Variants in GARIN2 observed in about 807,000 individuals in gnomAD.
GARIN2 encodes the protein golgi associated RAB2 interactor family member 2.
the GARIN2 span, chr14:67,204,507 C>T: frequency 6.3e-7 from 1 of 1,595,128 alleles, no homozygotes; most frequent in Non-Finnish European, 8.5e-7. Flanking sequence ...ATCAGGTCTC[C>T]AGATGATGTT....
chr14:67,204,246 G>A, the GARIN2 span, among the ~76,000 whole-genome samples: 3 of 152,108 alleles, frequency 2.0e-5, no homozygotes, highest in African/African-American at 7.2e-5. Flanking sequence ...AGACCAGCCT[G>A]AGCAACATGG....
the GARIN2 span, chr14:67,199,741 A>T: frequency 6.4e-7 from 1 of 1,568,020 alleles, no homozygotes; most frequent in East Asian, 2.2e-5. Flanking sequence ...TGGTATCATC[A>T]TTGGGGTCTG....
chr14:67,193,186 A>G, the GARIN2 span, among the ~76,000 whole-genome samples: 1 of 139,478 alleles, frequency 7.2e-6, no homozygotes, highest in African/African-American at 2.7e-5. Context: ...CTCTATATAG[A>G]CATCTATCTA....
At chr14:67,208,509 A>G in the GARIN2 span, 1 of 1,541,202 alleles carries the variant, frequency 6.5e-7, no homozygotes. Context: ...ATAAAGAAAT[A>G]TGTGCTTTAG....
chr14:67,215,636 G>C, the GARIN2 span, among the ~76,000 whole-genome samples: 1 of 152,098 alleles, frequency 6.6e-6, no homozygotes, highest in South Asian at 2.1e-4. Flanking sequence ...GGCAGGTGCT[G>C]CTCAGTGGAA....
chr14:67,202,725 G>A, the GARIN2 span, among the ~76,000 whole-genome samples: 1 of 152,138 alleles, frequency 6.6e-6, no homozygotes, highest in Non-Finnish European at 1.5e-5. Flanking sequence ...GTGTAAATGT[G>A]TGTACCTCCC....
chr14:67,216,544 A>C, the GARIN2 span, among the ~76,000 whole-genome samples: 1 of 151,994 alleles, frequency 6.6e-6, no homozygotes, highest in African/African-American at 2.4e-5. Context: ...TATCACTATA[A>C]ACTTGACTCT....
At chr14:67,196,787 A>C in the GARIN2 span, 1 of 152,292 alleles carries the variant, frequency 6.6e-6, no homozygotes, top group African/African-American at 2.4e-5. Context: ...AGCTCAGCTC[A>C]GACATAGACA....
the GARIN2 span, chr14:67,225,058 C>G: frequency 1.4e-6 from 2 of 1,412,806 alleles, no homozygotes; most frequent in Non-Finnish European, 1.9e-6. Flanking sequence ...TTTTCTTTCT[C>G]ACTTCCTCTC....
At chr14:67,198,280 C>CT in the GARIN2 span, 1 of 1,613,768 alleles carries the variant, frequency 6.2e-7, no homozygotes, top group Non-Finnish European at 8.5e-7. Flanking sequence ...GAGTATGCCC[C>CT]TTTTGTATCT....
the GARIN2 span, chr14:67,208,049 G>T: frequency 2.9e-6 from 2 of 697,494 alleles, no homozygotes; most frequent in Non-Finnish European, 3.5e-6. Context: ...CCCAATGGTC[G>T]TGCCATTCTA....
chr14:67,208,570 G>A, the GARIN2 span: 6 of 1,052,790 alleles, frequency 5.7e-6, no homozygotes, highest in South Asian at 1.7e-5. Context: ...CAGATGTAGT[G>A]TAACTGAATG....
chr14:67,193,779 CAAA>C, the GARIN2 span, among the ~76,000 whole-genome samples: 1 of 88,858 alleles, frequency 1.1e-5, no homozygotes, highest in Non-Finnish European at 2.4e-5. Flanking sequence ...CCAATTTCTA[CAAA>C]AAAAAAAAAA....
chr14:67,227,399 C>T, the GARIN2 span: 4 of 148,912 alleles, frequency 2.7e-5, no homozygotes, highest in Non-Finnish European at 5.9e-5. Flanking sequence ...GAGATCGCAC[C>T]ACTGTACTGT....
At chr14:67,218,915 G>C in the GARIN2 span, among the ~76,000 whole-genome samples, 1 of 152,012 alleles carries the variant, frequency 6.6e-6, no homozygotes, top group African/African-American at 2.4e-5. Context: ...TAAAGCCAAA[G>C]CCACAGCAGA....
the GARIN2 span, among the ~76,000 whole-genome samples, chr14:67,219,590 A>G: frequency 6.6e-6 from 1 of 152,206 alleles, no homozygotes; most frequent in Non-Finnish European, 1.5e-5. Context: ...TTATAAGAAT[A>G]ACTTTGTTAG....
At chr14:67,207,676 AG>A in the GARIN2 span, among the ~76,000 whole-genome samples, 42 of 152,340 alleles carry the variant, frequency 2.8e-4, no homozygotes, top group Non-Finnish European at 4.3e-4. Context: ...TGAGCGAATC[AG>A]AGAGTGGCTA....
chr14:67,216,792 T>C, the GARIN2 span, among the ~76,000 whole-genome samples: 1 of 152,212 alleles, frequency 6.6e-6, no homozygotes, highest in East Asian at 1.9e-4. Flanking sequence ...TTTTTAAAAA[T>C]TTTGGATAAA....
the GARIN2 span, among the ~76,000 whole-genome samples, chr14:67,197,804 C>A: frequency 6.6e-6 from 1 of 152,158 alleles, no homozygotes; most frequent in African/African-American, 2.4e-5. Flanking sequence ...AGAAGCCTTT[C>A]CTGCTACCCT....
Sources: allele counts gnomAD v4.1 joint callset (sites outside exome capture counted in the v4.1 genomes callset), GRCh38; gene constraint gnomAD v4.1.1; transcripts MANE v1.5; gene names NCBI Gene and HGNC (gene_info 2026-07-23, HGNC 2026-07-21).